The following ATP8B1 variants were observed in gnomAD, a reference collection of about 807,000 sequenced individuals.
ATP8B1 encodes the protein phospholipid-transporting ATPase IC.
ATP8B1 carries 80 observed loss-of-function variants against 149.9 expected under a neutral mutation model. The observed-to-expected ratio is 0.53, with a 90% CI of 0.45 to 0.64. The LOEUF (loss-of-function observed/expected upper bound fraction) is 0.64. ATP8B1 is among the 30% of genes least tolerant of loss of function. The probability of loss-of-function intolerance (pLI) is 0.00; values close to 1 mark genes in which losing one functional copy is unlikely to be tolerated. For synonymous variants in ATP8B1, 536 were observed against 562.8 expected (o/e 0.95, Z 0.67); for missense variants, 1,247 against 1,552.6 (o/e 0.80, Z 3.31).
intron 1 of ATP8B1, among the ~76,000 whole-genome samples, chr18:57,737,267 ATT>A (rs71171081): frequency 6.6e-6 from 1 of 151,282 alleles, no homozygotes; most frequent in Admixed American, 6.6e-5. Context: ...CCCTACTTTT[ATT>A]TTTTTTTTAA....
At chr18:57,705,480 G>C (rs759059216) in intron 3 of ATP8B1, among the ~76,000 whole-genome samples, 4 of 152,212 alleles carry the variant, frequency 2.6e-5, no homozygotes, top group African/African-American at 7.2e-5. Flanking sequence ...GAAGTCATAC[G>C]TGATTAGGAC....
intron 1 of ATP8B1, among the ~76,000 whole-genome samples, chr18:57,801,072 T>G (rs1216193706): frequency 2.0e-5 from 3 of 152,184 alleles, no homozygotes; most frequent in Non-Finnish European, 2.9e-5. Context: ...ACAAAACCTC[T>G]CCCAGTTCTA....
At chr18:57,689,554 C>A (rs781649291) in intron 12 of ATP8B1, among the ~76,000 whole-genome samples, 1 of 152,150 alleles carries the variant, frequency 6.6e-6, no homozygotes, top group Non-Finnish European at 1.5e-5. Context: ...CTCTCCCTTC[C>A]GTAAGTATTT....
intron 2 of ATP8B1, among the ~76,000 whole-genome samples, chr18:57,726,256 A>C (rs1328117050): frequency 6.6e-6 from 1 of 152,238 alleles, no homozygotes; most frequent in East Asian, 1.9e-4. Context: ...CAACAAAAAA[A>C]CCACTTGGGA....
In ATP8B1 at chr18:57,802,417, A is replaced by G. The variant is rs2080587287; in HGVS notation, c.-26+581T>C. ...CCCTCCCCATCCCACAATAAAGCGC[A>G]CGGAAGATGTCTGGGAGTACCTGGC... On this transcript the variant is annotated intron_variant, in intron 1 of 27. Transcript: ENST00000648908. This position sits in a 1 kb window ranked among gnomAD's most constrained non-coding sequence, Gnocchi z 4.9. Among the ~76,000 whole-genome samples, 1 of 152,112 alleles carries G rather than the reference A, an allele frequency of 6.6e-6. No individual in the cohort carries two copies. Among genetic ancestry groups the G allele is most frequent in the Non-Finnish European group, 1.5e-5 (1 of 68,012 alleles).
chr18:57,791,746 G>A (rs2080467017), intron 1 of ATP8B1, among the ~76,000 whole-genome samples: 1 of 151,976 alleles, frequency 6.6e-6, no homozygotes, highest in African/African-American at 2.4e-5. Context: ...TTACTCCTAG[G>A]CCATTTTAAA....
At chr18:57,699,433 T>C (rs1285608704) in intron 6 of ATP8B1, among the ~76,000 whole-genome samples, 1 of 152,170 alleles carries the variant, frequency 6.6e-6, no homozygotes, top group Non-Finnish European at 1.5e-5. Context: ...GAGGAGGTTG[T>C]TGTTGTTAAG....
chr18:57,676,237 T>C (rs1568191207), intron 15 of ATP8B1, among the ~76,000 whole-genome samples: 1 of 152,152 alleles, frequency 6.6e-6, no homozygotes, highest in South Asian at 2.1e-4. Context: ...CTCAGCTCAC[T>C]GCAGCCTTGA....
intron 6 of ATP8B1, among the ~76,000 whole-genome samples, chr18:57,698,947 C>T (rs1912971917): frequency 6.6e-6 from 1 of 152,178 alleles, no homozygotes; most frequent in African/African-American, 2.4e-5. Flanking sequence ...GGTGTCTCAT[C>T]TTCTGTCTTG....
rs2123134918 is a variant in ATP8B1 at position 57,731,652 on chromosome 18, C to T, written c.156G>A (p.Glu52=). ...CTTTTCTGAATGGCTCCCGGTTCTC[C>T]TCTGCTTCCCTGTTGACTCGGTTTT... The part of the protein sequence containing the change: ...PEQNRVNREA[E]ENREPFRKEC... Residue 52 remains glutamate, a synonymous_variant, in exon 2 of 28, where the codon GAG becomes GAA. Coordinates refer to ENST00000648908, the MANE Select transcript of ATP8B1 (RefSeq NM_001374385.1). The T allele has an allele frequency of 6.2e-7, 1 of 1,614,090 alleles. No individual in the cohort carries two copies.
At chr18:57,710,435 A>G (rs966140251) in intron 2 of ATP8B1, among the ~76,000 whole-genome samples, 3 of 152,146 alleles carry the variant, frequency 2.0e-5, no homozygotes, top group African/African-American at 4.8e-5. Context: ...GCCATCTGGA[A>G]GAGCAGATGA....
intron 2 of ATP8B1, among the ~76,000 whole-genome samples, chr18:57,713,854 TG>T (rs1483225870): frequency 6.8e-6 from 1 of 146,032 alleles, no homozygotes; most frequent in Admixed American, 7.0e-5. Context: ...CTCTAACTCC[TG>T]GCCTCAAGTG....
intron 1 of ATP8B1, among the ~76,000 whole-genome samples, chr18:57,785,786 A>G (rs2080402058): frequency 6.6e-6 from 1 of 152,222 alleles, no homozygotes; most frequent in South Asian, 2.1e-4. Flanking sequence ...GATTACAGGC[A>G]TGAGCCACCG....
chr18:57,702,744 C>A, intron 4 of ATP8B1, among the ~76,000 whole-genome samples: 1 of 151,998 alleles, frequency 6.6e-6, no homozygotes, highest in East Asian at 1.9e-4. Flanking sequence ...GTAATCCCAG[C>A]TACTCAGGAG....
At chr18:57,689,085 T>G (rs1294900860) in intron 12 of ATP8B1, among the ~76,000 whole-genome samples, 1 of 152,168 alleles carries the variant, frequency 6.6e-6, no homozygotes. Flanking sequence ...GATTTCCCAC[T>G]CACTCCTGGG....
At chr18:57,708,669 A>C (rs1913541514) in intron 2 of ATP8B1, 1 of 152,244 alleles carries the variant, frequency 6.6e-6, no homozygotes, top group Admixed American at 6.5e-5. Flanking sequence ...TTTCTCAAGA[A>C]GACAGAAAAG....
intron 1 of ATP8B1, among the ~76,000 whole-genome samples, chr18:57,754,190 C>T (rs998987082): frequency 6.6e-6 from 1 of 152,008 alleles, no homozygotes; most frequent in African/African-American, 2.4e-5. Context: ...GTAATCCTAG[C>T]ACTTTGGGAG....
At chr18:57,709,033 G>A (rs1282912267) in intron 2 of ATP8B1, among the ~76,000 whole-genome samples, 1 of 152,198 alleles carries the variant, frequency 6.6e-6, no homozygotes, top group African/African-American at 2.4e-5. Context: ...GTATGTCTTT[G>A]TCTGCAATTG....
intron 1 of ATP8B1, among the ~76,000 whole-genome samples, chr18:57,756,650 T>TC (rs2080087555): frequency 3.0e-5 from 4 of 131,862 alleles, no homozygotes; most frequent in African/African-American, 1.1e-4. Context: ...AATATGGTAT[T>TC]CCTTCTCTCT....
Sources: allele counts gnomAD v4.1 joint callset (sites outside exome capture counted in the v4.1 genomes callset), GRCh38; gene constraint gnomAD v4.1.1; non-coding constraint Gnocchi (gnomAD v3.1); transcripts MANE v1.5; gene names NCBI Gene and HGNC (gene_info 2026-07-23, HGNC 2026-07-21).